The following MBOAT1 variants were observed in gnomAD, a reference collection of about 807,000 sequenced individuals.
The protein encoded by MBOAT1 is membrane-bound glycerophospholipid O-acyltransferase 1.
A neutral mutation model predicts 64.4 loss-of-function variants in MBOAT1; 67 were observed. The observed-to-expected ratio is 1.04, with a 90% CI of 0.85 to 1.27. The LOEUF (loss-of-function observed/expected upper bound fraction) is 1.27, where lower values mean the gene tolerates loss of function less well. Ranked by LOEUF, MBOAT1 falls within the 50% of genes most tolerant of loss-of-function variation. MBOAT1 has a pLI of 0.00. For synonymous variants in MBOAT1, 229 were observed against 218.9 expected, an observed-to-expected ratio of 1.05 and a Z score of -0.41; for missense variants, 563 against 604.6, an observed-to-expected ratio of 0.93 and a Z score of 0.72.
At chr6:20,166,127 C>G (rs555931029) in intron 1 of MBOAT1, among the ~76,000 whole-genome samples, 91 of 152,116 alleles carry the variant, frequency 6.0e-4, no homozygotes, top group African/African-American at 2.1e-3. Context: ...CAAAAATATA[C>G]CCATATGCAT....
At chr6:20,167,066 G>A (rs1373180490) in intron 1 of MBOAT1, among the ~76,000 whole-genome samples, 2 of 152,222 alleles carry the variant, frequency 1.3e-5, no homozygotes, top group African/African-American at 4.8e-5. Flanking sequence ...TCCCCCGTCT[G>A]TCTCTTGGAT....
chr6:20,161,467 A>G (rs1761857066), intron 1 of MBOAT1, among the ~76,000 whole-genome samples: 1 of 152,120 alleles, frequency 6.6e-6, no homozygotes, highest in Admixed American at 6.6e-5. Flanking sequence ...ATTGTCTTCC[A>G]CAAAACCAGT....
intron 9 of MBOAT1, among the ~76,000 whole-genome samples, chr6:20,117,305 G>C (rs1342538908): frequency 1.3e-5 from 2 of 152,158 alleles, no homozygotes; most frequent in African/African-American, 4.8e-5. Context: ...TGTTGAATCT[G>C]ATTGACCTGA....
chr6:20,138,673 G>A (rs1183450886), intron 4 of MBOAT1, among the ~76,000 whole-genome samples: 1 of 152,178 alleles, frequency 6.6e-6, no homozygotes, highest in Admixed American at 6.5e-5. Flanking sequence ...AGATGCAGAC[G>A]GTAGAGGCAT....
intron 9 of MBOAT1, among the ~76,000 whole-genome samples, chr6:20,117,404 C>T (rs1760358030): frequency 6.6e-6 from 1 of 152,096 alleles, no homozygotes; most frequent in African/African-American, 2.4e-5. Flanking sequence ...TTCTGCTTGT[C>T]TGCCTTTTGA....
At chr6:20,178,595 CAT>C (rs1018529554) in intron 1 of MBOAT1, among the ~76,000 whole-genome samples, 3 of 152,170 alleles carry the variant, frequency 2.0e-5, no homozygotes, top group East Asian at 1.9e-4. Flanking sequence ...CCCTGGAACA[CAT>C]GTGTTAGAAA....
chr6:20,118,153 G>A (rs1760383028), intron 9 of MBOAT1, among the ~76,000 whole-genome samples: 2 of 151,836 alleles, frequency 1.3e-5, no homozygotes, highest in Admixed American at 6.6e-5. Flanking sequence ...TGAAAGAGCA[G>A]AAATGTAGAC....
chr6:20,149,279 A>C lies in MBOAT1; in HGVS notation c.323+1906T>G, dbSNP rs1433623584. Among the ~76,000 whole-genome samples the C allele has an allele frequency of 3.9e-5, 6 of 152,218 alleles. No individual in the cohort carries two copies. The East Asian group carries it at 1.2e-3, about 29-fold the overall frequency. ...GAGTATTCCATTCCTAGACACTGGA[A>C]TTGAACACAGTGAACCTAGGCCTGA... is the stretch of plus-strand genomic sequence containing the variant. On this transcript the variant is annotated intron_variant, in intron 3 of 12. Coordinates refer to ENST00000324607, the MANE Select transcript of MBOAT1 (RefSeq NM_001080480.3).
intron 1 of MBOAT1, among the ~76,000 whole-genome samples, chr6:20,184,581 C>T (rs950269625): frequency 2.0e-5 from 3 of 152,020 alleles, no homozygotes; most frequent in African/African-American, 7.3e-5. Flanking sequence ...GAGCAGTTAG[C>T]GTGTCTCCCC....
intron 1 of MBOAT1, among the ~76,000 whole-genome samples, chr6:20,206,938 C>G (rs1001279751): frequency 6.6e-6 from 1 of 152,162 alleles, no homozygotes. Context: ...CACGACCCAC[C>G]ATCGCAAGAA....
Position 20,192,167 on chromosome 6 carries a change from C to T in MBOAT1, c.99+19969G>A, listed in dbSNP as rs112272251. 1.3e-3 allele frequency among the ~76,000 whole-genome samples: 191 copies of T among 152,248 alleles called. 1 individual carries two copies. Among genetic ancestry groups the T allele is most frequent in the African/African-American group, 4.0e-3 (168 of 41,534 alleles). On this transcript the variant is annotated intron_variant, in intron 1 of 12. Transcript: ENST00000324607. ...TAAAAAGTCATTCCTTTGCAAGGTTCTTTCACACTTCCTGGGTACACTAAA... is the reference window on the plus strand; with the variant it reads ...TAAAAAGTCATTCCTTTGCAAGGTTTTTTCACACTTCCTGGGTACACTAAA...
intron 9 of MBOAT1, among the ~76,000 whole-genome samples, chr6:20,116,674 C>T (rs1174616509): frequency 1.3e-5 from 2 of 152,204 alleles, no homozygotes; most frequent in African/African-American, 4.8e-5. Flanking sequence ...ACCAATCAGA[C>T]TTCCTTGTTT....
In MBOAT1 at chr6:20,212,333, C is replaced by G. The variant is rs1763464766; in HGVS notation, c.-99G>C. 1.8e-6 allele frequency: 2 copies of G among 1,083,016 alleles called. No homozygotes were observed. The highest frequency in any genetic ancestry group is 2.6e-5 in the East Asian group (1 of 38,508). 67.1% of individuals were successfully genotyped at this position (1,083,016 alleles called of 1,614,324 possible). ...GCTCTTGGGTGGTTGCCCCGAGAGG[C>G]GCACGGCCGCCTGGTTCGCGGGGGA... On this transcript the variant is annotated 5_prime_UTR_variant, in exon 1 of 13. Coordinates refer to ENST00000324607, the MANE Select transcript of MBOAT1 (RefSeq NM_001080480.3).
chr6:20,173,751 G>A (rs945670682), intron 1 of MBOAT1, among the ~76,000 whole-genome samples: 2 of 152,054 alleles, frequency 1.3e-5, no homozygotes, highest in Non-Finnish European at 2.9e-5. Flanking sequence ...AGGAGTTCGA[G>A]ACGAGCCTGG....
At chr6:20,193,354 A>T (rs980136064) in intron 1 of MBOAT1, among the ~76,000 whole-genome samples, 1 of 152,044 alleles carries the variant, frequency 6.6e-6, no homozygotes, top group Non-Finnish European at 1.5e-5. Context: ...TGGCTTAAAC[A>T]AGATATGCTT....
chr6:20,117,272 C>T (rs975334823), intron 9 of MBOAT1, among the ~76,000 whole-genome samples: 4 of 152,160 alleles, frequency 2.6e-5, no homozygotes, highest in East Asian at 1.9e-4. Flanking sequence ...GTGTTTTGCC[C>T]GCAGTGGCCC....
chr6:20,191,721 A>G (rs574262376), intron 1 of MBOAT1, among the ~76,000 whole-genome samples: 14 of 152,380 alleles, frequency 9.2e-5, no homozygotes, highest in African/African-American at 3.4e-4. Flanking sequence ...GAGATGACCC[A>G]TGTATTTAGC....
chr6:20,197,397 A>G (rs1162463893), intron 1 of MBOAT1, among the ~76,000 whole-genome samples: 1 of 152,196 alleles, frequency 6.6e-6, no homozygotes, highest in Non-Finnish European at 1.5e-5. Context: ...TCTGCCCACC[A>G]GGAAATTCCT....
intron 8 of MBOAT1, among the ~76,000 whole-genome samples, chr6:20,121,679 G>T (rs1248289218): frequency 1.3e-5 from 2 of 152,106 alleles, no homozygotes; most frequent in Non-Finnish European, 2.9e-5. Flanking sequence ...AGCTGATTTA[G>T]TCCAGAAGCT....
Sources: gnomAD v4.1 joint callset for allele counts (sites outside exome capture counted in the v4.1 genomes callset) on GRCh38, gnomAD v4.1.1 for gene constraint, MANE v1.5 for transcripts, NCBI Gene and HGNC (gene_info 2026-07-23, HGNC 2026-07-21) for gene names.